The following TAF2 variants were observed in gnomAD, a reference collection of about 807,000 sequenced individuals.
The protein encoded by TAF2 is transcription initiation factor TFIID subunit 2.
In TAF2, 61 loss-of-function variants were observed where a neutral mutation model predicts 138.5. The observed-to-expected ratio is 0.44, with a 90% CI of 0.36 to 0.54. The LOEUF (loss-of-function observed/expected upper bound fraction) is 0.54, where lower values mean the gene tolerates loss of function less well. Ranked by LOEUF, TAF2 falls within the 20% of genes least tolerant of loss-of-function variation. The pLI is 0.00. For synonymous variants in TAF2, 475 were observed against 469.9 expected (o/e 1.01, Z -0.14); for missense variants, 1,090 against 1,427.9 (o/e 0.76, Z 3.81).
At chr8:119,751,248 A>T (rs1820329293) in intron 22 of TAF2, among the ~76,000 whole-genome samples, 1 of 152,192 alleles carries the variant, frequency 6.6e-6, no homozygotes, top group Non-Finnish European at 1.5e-5. Context: ...TTCAGTGTGG[A>T]AAAAAGCTAC....
chr8:119,829,172 T>C (rs1353572311), intron 2 of TAF2, among the ~76,000 whole-genome samples: 1 of 152,142 alleles, frequency 6.6e-6, no homozygotes, highest in East Asian at 1.9e-4. Context: ...CTCAATACCC[T>C]ACGAGTTGCA....
At chr8:119,760,030 C>A (rs1483519824) in intron 20 of TAF2, among the ~76,000 whole-genome samples, 4 of 109,408 alleles carry the variant, frequency 3.7e-5, no homozygotes, top group Admixed American at 7.6e-5. Flanking sequence ...TTCATTTACG[C>A]CCCCCCAGAG....
intron 19 of TAF2, chr8:119,761,628 C>T (rs913212561): frequency 9.9e-5 from 15 of 152,178 alleles, no homozygotes; most frequent in African/African-American, 3.4e-4. Context: ...TGGTGAAACC[C>T]CGTCTCTACT....
rs901399350 is a variant in TAF2, at chr8:119,762,748, A to G, written c.2365-140T>C. On this transcript the variant is annotated intron_variant, in intron 18 of 25. Coordinates refer to ENST00000378164, the MANE Select transcript of TAF2 (RefSeq NM_003184.4). Reference sequence around the variant, plus strand: ...AAGCAAGTCCTCTGGTAAACATTCAACTCCACCCTTTGCATGTGGTCACTC... The same window carrying G: ...AAGCAAGTCCTCTGGTAAACATTCAGCTCCACCCTTTGCATGTGGTCACTC... The G allele has an allele frequency of 5.8e-5, 39 of 674,010 alleles. No individual in the cohort carries two copies. In the African/African-American group the frequency reaches 6.7e-4, roughly 12 times the overall value. The allele number at this position is 674,010 out of a possible 1,614,324, so 41.8% of individuals were successfully genotyped here. A position where few individuals can be genotyped will look rare whatever the true frequency, so the allele number is the denominator to read the frequency against.
intron 17 of TAF2, among the ~76,000 whole-genome samples, chr8:119,779,800 T>C (rs1439328506): frequency 6.6e-6 from 1 of 152,158 alleles, no homozygotes; most frequent in Non-Finnish European, 1.5e-5. Flanking sequence ...ACATTCCACC[T>C]GCCTCAAAAA....
chr8:119,780,827 C>T (rs371787410), intron 17 of TAF2, among the ~76,000 whole-genome samples: 4 of 150,596 alleles, frequency 2.7e-5, no homozygotes, highest in East Asian at 2.0e-4. Context: ...CCCAGCTACT[C>T]GGGAGGCTGA....
Position 119,773,987 on chromosome 8 carries a change from T to C in TAF2, c.2364+4032A>G, listed in dbSNP as rs549479232. 1.7e-4 allele frequency among the ~76,000 whole-genome samples: 26 copies of C among 151,634 alleles called. No individual in the cohort carries two copies. The South Asian group carries it at 4.8e-3, about 28-fold the overall frequency. Reference sequence around the variant, plus strand: ...GAGATCGAGACCATCCTGGCTAACATGGTGAAACCCTGTCTCTACTAAAAA... The same window carrying C: ...GAGATCGAGACCATCCTGGCTAACACGGTGAAACCCTGTCTCTACTAAAAA... On this transcript the variant is annotated intron_variant, in intron 18 of 25. Transcript: ENST00000378164.
At chr8:119,800,240 T>C (rs367959760) in intron 6 of TAF2, among the ~76,000 whole-genome samples, 6 of 152,218 alleles carry the variant, frequency 3.9e-5, no homozygotes, top group Non-Finnish European at 7.3e-5. Flanking sequence ...CCGAATGGTA[T>C]TGCCTAGGTT....
chr8:119,825,589 G>C (rs1826042782), intron 2 of TAF2, among the ~76,000 whole-genome samples: 1 of 152,200 alleles, frequency 6.6e-6, no homozygotes, highest in African/African-American at 2.4e-5. Context: ...CCCATGCGTT[G>C]TGGGAGGGAC....
intron 3 of TAF2, among the ~76,000 whole-genome samples, chr8:119,806,603 G>A (rs1824673702): frequency 1.3e-5 from 2 of 151,456 alleles, no homozygotes; most frequent in Admixed American, 1.3e-4. Context: ...GAGTAGCTAG[G>A]ATTACAGGCA....
At chr8:119,758,680 C>A (rs941523622) in intron 20 of TAF2, among the ~76,000 whole-genome samples, 1 of 152,124 alleles carries the variant, frequency 6.6e-6, no homozygotes, top group Non-Finnish European at 1.5e-5. Context: ...AAATGACTAG[C>A]TATTTCCATT....
At chr8:119,793,721 A>C (rs1823608244) in intron 9 of TAF2, among the ~76,000 whole-genome samples, 1 of 152,108 alleles carries the variant, frequency 6.6e-6, no homozygotes, top group South Asian at 2.1e-4. Flanking sequence ...GGCTGTTCTC[A>C]ATCTCTCTGA....
intron 2 of TAF2, among the ~76,000 whole-genome samples, chr8:119,829,864 T>C (rs1008175360): frequency 2.0e-5 from 3 of 149,670 alleles, no homozygotes; most frequent in African/African-American, 7.4e-5. Context: ...TTTTTAGTTT[T>C]TTTTTTTTTT....
In TAF2 at chr8:119,810,772, G is replaced by C. The variant is rs145630467; in HGVS notation, c.300-4371C>G. Among the ~76,000 whole-genome samples the C allele has an allele frequency of 7.5e-3, 1,145 of 152,090 alleles. 17 individuals carry two copies. The highest frequency in any genetic ancestry group is 0.026 in the African/African-American group (1,085 of 41,484). On this transcript the variant is annotated intron_variant, in intron 3 of 25. Transcript: ENST00000378164. ...CTTGTATTCCACCCCAAGTTATCAGGGAAATGCAAAAATAAAATAACTATT... is the reference window on the plus strand; with the variant it reads ...CTTGTATTCCACCCCAAGTTATCAGCGAAATGCAAAAATAAAATAACTATT...
intron 3 of TAF2, among the ~76,000 whole-genome samples, chr8:119,817,472 C>A (rs1341730283): frequency 6.6e-6 from 1 of 152,194 alleles, no homozygotes; most frequent in East Asian, 1.9e-4. Context: ...CTCTGCCCCC[C>A]TGGTCCGTGG....
At chr8:119,815,588 A>T (rs959049140) in intron 3 of TAF2, among the ~76,000 whole-genome samples, 1 of 149,086 alleles carries the variant, frequency 6.7e-6, no homozygotes, top group Non-Finnish European at 1.5e-5. Flanking sequence ...ACTTGGTCTT[A>T]AAAAAAAAAG....
At chr8:119,742,502 AAAT>A (rs1224375931) in intron 25 of TAF2, 29 bp downstream of exon 25, 1 of 1,607,804 alleles carries the variant, frequency 6.2e-7, no homozygotes, top group Admixed American at 1.7e-5. Context: ...TTCTTGAACA[AAAT>A]AATATTAATT....
chr8:119,819,590 A>G, intron 2 of TAF2, 84 bp from the exon 3 acceptor site: 2 of 1,130,752 alleles, frequency 1.8e-6, no homozygotes, highest in South Asian at 1.2e-5. Context: ...ACTTGTACAC[A>G]TATTATACTA....
intron 18 of TAF2, among the ~76,000 whole-genome samples, chr8:119,777,275 C>T (rs1822319304): frequency 6.6e-6 from 1 of 152,134 alleles, no homozygotes; most frequent in African/African-American, 2.4e-5. Flanking sequence ...ACTTTGCATT[C>T]CCCTAGGGAA....
Sources: gnomAD v4.1 joint callset for allele counts (sites outside exome capture counted in the v4.1 genomes callset) on GRCh38, gnomAD v4.1.1 for gene constraint, MANE v1.5 for transcripts, NCBI Gene and HGNC (gene_info 2026-07-23, HGNC 2026-07-21) for gene names.